MXRA8: variants seen among roughly 807,000 people sequenced by gnomAD.
MXRA8 encodes matrix remodeling associated 8, also known as matrix remodeling-associated protein 8.
MXRA8 carries 44 observed loss-of-function variants against 51.4 expected under a neutral mutation model. The ratio of observed to expected loss-of-function variants is 0.86; its 90% confidence interval spans 0.67 to 1.10. The LOEUF (loss-of-function observed/expected upper bound fraction) is 1.10. Among genes scored for constraint, MXRA8 ranks in the 50% least tolerant of loss-of-function variants. The pLI is 0.00. For synonymous variants in MXRA8, 369 were observed against 293.5 expected, an observed-to-expected ratio of 1.26 and a Z score of -2.63; for missense variants, 765 against 638.9, an observed-to-expected ratio of 1.20 and a Z score of -2.13.
At position 1,353,207 on chromosome 1, in the gene MXRA8, G is replaced by A. The variant is rs182470910; in HGVS notation, c.*397C>T. The A allele has an allele frequency of 1.9e-4, 246 of 1,272,040 alleles. No individual in the cohort carries two copies. Among genetic ancestry groups the A allele is most frequent in the Non-Finnish European group, 2.5e-4 (221 of 896,778 alleles). 78.8% of individuals were successfully genotyped at this position (1,272,040 alleles called of 1,614,324 possible). A position where few individuals can be genotyped will look rare whatever the true frequency, so the allele number is the denominator to read the frequency against. ...CCAGGAACATCTCCCAGCCCCCGAC[G>A]AGCAGAGCCCTGGAGGAGTGGGACT... On this transcript the variant is annotated 3_prime_UTR_variant, in exon 10 of 10. Transcript: ENST00000309212.
upstream of MXRA8, among the ~76,000 whole-genome samples, chr1:1,360,134 C>A (rs1377946899): frequency 3.3e-5 from 5 of 152,208 alleles, no homozygotes; most frequent in Admixed American, 3.3e-4. Context: ...GCCTGGTCCG[C>A]ACGACAGCCT....
intron 1 of MXRA8, among the ~76,000 whole-genome samples, chr1:1,357,283 G>A (rs980623470): frequency 6.6e-6 from 1 of 152,192 alleles, no homozygotes; most frequent in Non-Finnish European, 1.5e-5. Context: ...ATCTAGGCTG[G>A]ACTTTCTCTG....
chr1:1,356,135 G>A (rs1471385549), intron 2 of MXRA8, among the ~76,000 whole-genome samples: 1 of 103,242 alleles, frequency 9.7e-6, no homozygotes. Context: ...TCGTGGTGGG[G>A]GAGATTCCAT....
chr1:1,353,421 A>T lies in MXRA8; in HGVS notation c.*183T>A. On this transcript the variant is annotated 3_prime_UTR_variant, in exon 10 of 10. Coordinates refer to ENST00000309212, the MANE Select transcript of MXRA8 (RefSeq NM_032348.4). ...AGCAAAGGCCGCAGGGGTGGGGGCT[A>T]TGCTGCCACCAAGCCCCTGGGAGAG... The T allele has an allele frequency of 6.6e-7, 1 of 1,518,598 alleles. No homozygotes were observed. The highest frequency in any genetic ancestry group is 8.9e-7 in the Non-Finnish European group (1 of 1,129,424). The allele number at this position is 1,518,598 out of a possible 1,614,324, so 94.1% of individuals were successfully genotyped here.
chr1:1,363,283 A>G (rs1644239582), upstream of MXRA8, among the ~76,000 whole-genome samples: 3 of 152,130 alleles, frequency 2.0e-5, no homozygotes, highest in African/African-American at 7.2e-5. Context: ...ACTCGGTCTC[A>G]AAAACAAAAC....
chr1:1,358,419 G>GCCCCCCC, intron 1 of MXRA8, 37 bp downstream of exon 1: 2 of 1,581,020 alleles, frequency 1.3e-6, no homozygotes, highest in South Asian at 1.2e-5. Context: ...AGCCCCACGT[G>GCCCCCCC]CCACCCCCCA....
chr1:1,359,698 G>A (rs533616261), upstream of MXRA8, among the ~76,000 whole-genome samples: 1 of 151,168 alleles, frequency 6.6e-6, no homozygotes, highest in Admixed American at 6.6e-5. Context: ...GACACGGACC[G>A]GCGTAAGGAC....
upstream of MXRA8, among the ~76,000 whole-genome samples, chr1:1,363,294 A>G (rs1239201704): frequency 6.6e-6 from 1 of 151,980 alleles, no homozygotes; most frequent in East Asian, 1.9e-4. Context: ...AAAACAAAAC[A>G]AAAGGACAGG....
In MXRA8 at chr1:1,355,320, C is replaced by T; in HGVS notation, c.402G>A (p.Leu134=). The change falls in exon 4 of 10, where the codon CTG becomes CTA. Residue 134 remains leucine (L), a synonymous_variant. Coordinates refer to ENST00000309212, the MANE Select transcript of MXRA8 (RefSeq NM_032348.4). Reference sequence around the variant, plus strand: ...AGTGATGGTGCAGGTTGCAGGTGTACAGCCCCGCGTCCGTCTCCTCCACCG... The same window carrying T: ...AGTGATGGTGCAGGTTGCAGGTGTATAGCCCCGCGTCCGTCTCCTCCACCG... ...IRAVEETDAG[L]YTCNLHHHYC... The T allele has an allele frequency of 1.9e-6, 3 of 1,579,224 alleles. No homozygotes were observed. Among genetic ancestry groups the T allele is most frequent in the East Asian group, 2.5e-5 (1 of 40,742 alleles).
chr1:1,359,541 G>T, upstream of MXRA8: 6 of 985,286 alleles, frequency 6.1e-6, no homozygotes, highest in Non-Finnish European at 7.2e-6. Flanking sequence ...CAGGCCCCGA[G>T]GGCCCCAGCT....
At chr1:1,357,455 TC>T (rs982528260) in intron 1 of MXRA8, among the ~76,000 whole-genome samples, 3 of 147,060 alleles carry the variant, frequency 2.0e-5, no homozygotes, top group Non-Finnish European at 4.5e-5. Context: ...CACCACGGAG[TC>T]CCCCCACAGT....
upstream of MXRA8, among the ~76,000 whole-genome samples, chr1:1,360,240 A>G (rs1644203843): frequency 6.6e-6 from 1 of 152,210 alleles, no homozygotes; most frequent in Admixed American, 6.5e-5. Context: ...GATGCAGGCC[A>G]GAGGCTGTCG....
At chr1:1,358,655 G>A, upstream of MXRA8, 1 of 1,409,272 alleles carries the variant, frequency 7.1e-7, no homozygotes, top group Non-Finnish European at 9.3e-7. Flanking sequence ...TCTGGCTCCT[G>A]CCGGGCCCCT....
chr1:1,361,109 G>A (rs61766237), upstream of MXRA8: 609 of 689,376 alleles, frequency 8.8e-4, 3 homozygotes, highest in Non-Finnish European at 1.3e-3. Flanking sequence ...ATGGAGACAC[G>A]CATGCATGCA....
chr1:1,363,081 C>CAAAAAAAAA, upstream of MXRA8, among the ~76,000 whole-genome samples: 1 of 126,360 alleles, frequency 7.9e-6, no homozygotes, highest in African/African-American at 2.7e-5. Flanking sequence ...GACTCCGTCT[C>CAAAAAAAAA]AAAAAAAAAA....
Position 1,353,109 on chromosome 1 carries a change from CAGG to C in MXRA8, c.*492_*494del. 2.9e-6 allele frequency: 2 copies of C among 686,434 alleles called. No individual in the cohort carries two copies. Among genetic ancestry groups the C allele is most frequent in the Non-Finnish European group, 2.6e-6 (1 of 385,340 alleles). The allele number at this position is 686,434 out of a possible 1,614,324, so 42.5% of individuals were successfully genotyped here. On this transcript the variant is annotated 3_prime_UTR_variant, in exon 10 of 10. Transcript: ENST00000309212. ...GAGCTCTCGGTGGCAGGCAGCACCC[CAGG>C]AGGAGTGGGACTCCTGCCGAGGCTG...
Position 1,354,496 on chromosome 1 carries a change from C to A in MXRA8, c.963G>T (p.Ala321=). The A allele has an allele frequency of 6.2e-7, 1 of 1,612,106 alleles. No individual in the cohort carries two copies. The highest frequency in any genetic ancestry group is 1.7e-4 in the Middle Eastern group (1 of 5,940). Residue 321 remains alanine (A), a synonymous_variant, in exon 6 of 10, where the codon GCG becomes GCT. Coordinates refer to ENST00000309212, the MANE Select transcript of MXRA8 (RefSeq NM_032348.4). The stretch of plus-strand genomic sequence containing the variant: ...TGACATTGATGACGTTGTGGCCGCG[C>A]GCCAGTGTGGGGTCTGCGGGGAACG... ...SGAPGPDPTL[A]RGHNVINVIV...
At chr1:1,353,770 G>A (rs1170630358) in intron 9 of MXRA8, 78 bp downstream of exon 9, 11 of 1,481,938 alleles carry the variant, frequency 7.4e-6, no homozygotes, top group East Asian at 4.7e-5. Context: ...GCTGGTGCCT[G>A]CCATCGTTGG....
rs769008694 is a variant in MXRA8 at position 1,354,714 on chromosome 1, T to G, written c.917A>C (p.Asn306Thr). Residue 306 changes from asparagine to threonine, a missense_variant, in exon 5 of 10, where the codon AAC becomes ACC. Transcript: ENST00000309212. ...TGGGGCGCCGCTGTGGCTGGAGCCG[T>G]TGCCCGGAGAGCCCCGGGGGGGCGG... ...AEPPPRGSPG[N>T]GSSHSGAPGP... 5.6e-6 allele frequency: 9 copies of G among 1,599,190 alleles called. No homozygotes were observed. In the South Asian group the frequency reaches 1.0e-4, roughly 18 times the overall value.
Sources: allele counts gnomAD v4.1 joint callset (sites outside exome capture counted in the v4.1 genomes callset), GRCh38; gene constraint gnomAD v4.1.1; transcripts MANE v1.5; gene names NCBI Gene and HGNC (gene_info 2026-07-23, HGNC 2026-07-21).